The following NR1I2 variants were observed in gnomAD, a reference collection of about 807,000 sequenced individuals.
NR1I2 encodes the protein nuclear receptor subfamily 1 group I member 2, also known as orphan nuclear receptor PAR1.
NR1I2 carries 42 observed loss-of-function variants against 43.3 expected under a neutral mutation model. The observed-to-expected ratio is 0.97, with a 90% CI of 0.76 to 1.26. NR1I2 has a LOEUF of 1.26. Ranked by LOEUF, NR1I2 falls within the 50% of genes most tolerant of loss-of-function variation. NR1I2 has a pLI of 0.00. For missense variants in NR1I2, 559 were observed against 566.7 expected, an observed-to-expected ratio of 0.99 and a Z score of 0.14; for synonymous variants, 229 against 215.0, an observed-to-expected ratio of 1.06 and a Z score of -0.57.
intron 1 of NR1I2, among the ~76,000 whole-genome samples, chr3:119,793,005 A>C (rs781211624): frequency 2.0e-5 from 3 of 151,792 alleles, no homozygotes; most frequent in Non-Finnish European, 1.5e-5. Context: ...AGTGATTCTC[A>C]CTCTTAGTTC....
intron 5 of NR1I2, among the ~76,000 whole-genome samples, chr3:119,813,502 C>T (rs1191790207): frequency 1.3e-5 from 2 of 152,120 alleles, no homozygotes; most frequent in Non-Finnish European, 2.9e-5. Context: ...GTGGCAGGAA[C>T]CACAGCCCCA....
intron 1 of NR1I2, chr3:119,792,597 C>T (rs981527641): frequency 1.7e-5 from 11 of 661,982 alleles, no homozygotes; most frequent in Non-Finnish European, 3.0e-5. Flanking sequence ...TAGGCCACAG[C>T]CCCAGTGATT....
At chr3:119,797,459 C>A (rs375902768) in intron 1 of NR1I2, among the ~76,000 whole-genome samples, 2 of 151,946 alleles carry the variant, frequency 1.3e-5, no homozygotes, top group Non-Finnish European at 2.9e-5. Context: ...AGCCTCCAGG[C>A]ATTCAGCTAT....
intron 3 of NR1I2, chr3:119,811,059 C>T (rs1482099098): frequency 6.4e-6 from 1 of 156,534 alleles, no homozygotes; most frequent in Non-Finnish European, 1.4e-5. Flanking sequence ...ATTGTAGATG[C>T]CATTTACTGA....
rs1267325281 is a variant in NR1I2 at position 119,782,312 on chromosome 3, C to T, written c.-23+12C>T. On this transcript the variant is annotated intron_variant, in intron 1 of 8. Transcript: ENST00000393716. ...TTACCACCAAGCAGGTATGGTTTTT[C>T]TTTCTTTCTCTTTTGCTGGGGGCTG... 5.8e-6 allele frequency: 1 copy of T among 170,964 alleles called. No individual in the cohort carries two copies. The highest frequency in any genetic ancestry group is 1.5e-4 in the East Asian group (1 of 6,812). The allele number at this position is 170,964 out of a possible 1,614,324, so 10.6% of individuals were successfully genotyped here. A position where few individuals can be genotyped will look rare whatever the true frequency, so the allele number is the denominator to read the frequency against.
At chr3:119,793,958 C>G (rs1274747987) in intron 1 of NR1I2, among the ~76,000 whole-genome samples, 2 of 152,136 alleles carry the variant, frequency 1.3e-5, no homozygotes, top group Non-Finnish European at 2.9e-5. Flanking sequence ...TTTTCTCATT[C>G]TTTCTTACAA....
At chr3:119,792,073 T>C in intron 1 of NR1I2, 2 of 746,074 alleles carry the variant, frequency 2.7e-6, no homozygotes, top group Non-Finnish European at 5.0e-6. Context: ...AGCAAAGATT[T>C]ACAGAATGTC....
intron 1 of NR1I2, among the ~76,000 whole-genome samples, chr3:119,799,837 GGGC>G (rs2055052526): frequency 6.6e-6 from 1 of 152,064 alleles, no homozygotes; most frequent in African/African-American, 2.4e-5. Flanking sequence ...AAAATTAGCT[GGGC>G]GTGGTGGCAG....
chr3:119,800,051 C>G (rs4440154), intron 1 of NR1I2, among the ~76,000 whole-genome samples: 1 of 151,966 alleles, frequency 6.6e-6, no homozygotes, highest in Non-Finnish European at 1.5e-5. Flanking sequence ...TTTGGTGTCA[C>G]ATCTAAGAAA....
chr3:119,790,566 T>A (rs2054904727), intron 1 of NR1I2, among the ~76,000 whole-genome samples: 2 of 152,186 alleles, frequency 1.3e-5, no homozygotes, highest in African/African-American at 4.8e-5. Flanking sequence ...TTGCCAACAC[T>A]TGTTATTTTC....
At chr3:119,789,046 C>G (rs533399248) in intron 1 of NR1I2, among the ~76,000 whole-genome samples, 1 of 152,272 alleles carries the variant, frequency 6.6e-6, no homozygotes, top group South Asian at 2.1e-4. Context: ...TCTGTATGTA[C>G]TTGAAAGCTG....
chr3:119,815,404 A>T lies in NR1I2; in HGVS notation c.1019A>T (p.Tyr340Phe). Reference sequence around the variant, plus strand: ...AAGCTGCAGCTGCATGAGGAGGAGTATGTGCTGATGCAGGCCATCTCCCTC... The same window carrying T: ...AAGCTGCAGCTGCATGAGGAGGAGTTTGTGCTGATGCAGGCCATCTCCCTC... The change falls in exon 7 of 9, where the codon TAT becomes TTT. Residue 340 changes from tyrosine to phenylalanine, a missense_variant. Transcript: ENST00000393716. 11 of 1,613,208 alleles carry T rather than the reference A, an allele frequency of 6.8e-6. No individual in the cohort carries two copies. The highest frequency in any genetic ancestry group is 8.5e-6 in the Non-Finnish European group (10 of 1,179,934).
At position 119,782,245 on chromosome 3, in the gene NR1I2, T is replaced by C; in HGVS notation, c.-78T>C. Reference sequence around the variant, plus strand: ...TCCTTGATCGATCCTTTGCACCGGATTGTTCAAAGTGGACCCCAGGGGAGA... The same window carrying C: ...TCCTTGATCGATCCTTTGCACCGGACTGTTCAAAGTGGACCCCAGGGGAGA... On this transcript the variant is annotated 5_prime_UTR_variant, in exon 1 of 9. Transcript: ENST00000393716. The C allele has an allele frequency of 6.3e-6, 1 of 159,968 alleles. No individual in the cohort carries two copies. The highest frequency in any genetic ancestry group is 1.4e-5 in the Non-Finnish European group (1 of 72,170). The allele number at this position is 159,968 out of a possible 1,614,324, so 9.9% of individuals were successfully genotyped here.
intron 1 of NR1I2, among the ~76,000 whole-genome samples, chr3:119,801,918 G>A (rs1379025722): frequency 6.6e-6 from 1 of 152,320 alleles, no homozygotes. Context: ...TCTCCGCATG[G>A]TCTCTTTGGG....
chr3:119,788,181 A>AC (rs1225441501), intron 1 of NR1I2, among the ~76,000 whole-genome samples: 15 of 152,164 alleles, frequency 9.9e-5, no homozygotes, highest in African/African-American at 2.9e-4. Context: ...TGGTATGATC[A>AC]TGGCTCACTG....
At chr3:119,812,641 G>A in intron 4 of NR1I2, 45 bp from the exon 5 acceptor site, 2 of 1,610,952 alleles carry the variant, frequency 1.2e-6, no homozygotes, top group Non-Finnish European at 1.7e-6. Context: ...GTCTATGAAA[G>A]CACATGCTGT....
intron 3 of NR1I2, chr3:119,810,520 C>T (rs2055224947): frequency 2.8e-6 from 1 of 359,052 alleles, no homozygotes; most frequent in African/African-American, 2.1e-5. Context: ...GGTTTGAAAC[C>T]ACATTTGCGG....
intron 1 of NR1I2, among the ~76,000 whole-genome samples, chr3:119,783,332 G>A (rs1241557987): frequency 6.6e-6 from 1 of 151,980 alleles, no homozygotes; most frequent in African/African-American, 2.4e-5. Flanking sequence ...ATGCCCATTC[G>A]TTATGTATTG....
At chr3:119,797,201 T>TGTGTGTGTGC (rs945473942) in intron 1 of NR1I2, among the ~76,000 whole-genome samples, 4 of 150,832 alleles carry the variant, frequency 2.7e-5, no homozygotes, top group African/African-American at 9.9e-5. Context: ...TGTGTGTGTG[T>TGTGTGTGTGC]GTGTGTGTGT....
Sources: gnomAD v4.1 joint callset for allele counts (sites outside exome capture counted in the v4.1 genomes callset) on GRCh38, gnomAD v4.1.1 for gene constraint, MANE v1.5 for transcripts, NCBI Gene and HGNC (gene_info 2026-07-23, HGNC 2026-07-21) for gene names.